The following PTPRT variants were observed in gnomAD, a reference collection of about 807,000 sequenced individuals.
PTPRT encodes the protein protein tyrosine phosphatase receptor type T, also known as receptor-type tyrosine-protein phosphatase T.
PTPRT carries 56 observed loss-of-function variants against 176.8 expected under a neutral mutation model. The observed-to-expected ratio is 0.32, with a 90% CI of 0.26 to 0.40. The LOEUF (loss-of-function observed/expected upper bound fraction) is 0.40. PTPRT is among the 10% of genes least tolerant of loss of function. The probability of loss-of-function intolerance (pLI) is 1.00; values close to 1 mark genes in which losing one functional copy is unlikely to be tolerated. For synonymous variants in PTPRT, 783 were observed against 739.0 expected, an observed-to-expected ratio of 1.06 and a Z score of -0.96; for missense variants, 1,540 against 1,908.2, an observed-to-expected ratio of 0.81 and a Z score of 3.60.
At position 42,391,826 on chromosome 20, in the gene PTPRT, T is replaced by C. The variant is rs576506733; in HGVS notation, c.1561-39541A>G. 1.2e-4 allele frequency among the ~76,000 whole-genome samples: 19 copies of C among 152,300 alleles called. No homozygotes were observed. The South Asian group carries it at 3.7e-3, about 30-fold the overall frequency. On this transcript the variant is annotated intron_variant, in intron 9 of 30. Transcript: ENST00000373187. ...GTAAATGCTCTGTCCTATAACTAAA[T>C]GCTATTGGATTTCCTTTTCTTTCAG...
chr20:42,911,976 C>CTTTTTTTTT (rs11475084), intron 1 of PTPRT, among the ~76,000 whole-genome samples: 34 of 124,154 alleles, frequency 2.7e-4, no homozygotes, highest in Non-Finnish European at 3.6e-4. Context: ...ATCCTCTTTT[C>CTTTTTTTTT]TTTTTTTTTT....
chr20:42,163,826 T>C (rs561643111), intron 16 of PTPRT, among the ~76,000 whole-genome samples: 3 of 152,228 alleles, frequency 2.0e-5, no homozygotes, highest in Non-Finnish European at 2.9e-5. Flanking sequence ...TTGAAGCCAG[T>C]GTGAACCTGC....
intron 9 of PTPRT, among the ~76,000 whole-genome samples, chr20:42,358,456 G>A (rs748290075): frequency 1.3e-5 from 2 of 152,142 alleles, no homozygotes; most frequent in African/African-American, 2.4e-5. Flanking sequence ...AAGCGGGCAA[G>A]GCACATTAAG....
chr20:42,161,938 G>A (rs565059905), intron 16 of PTPRT, among the ~76,000 whole-genome samples: 49 of 151,892 alleles, frequency 3.2e-4, no homozygotes, highest in Middle Eastern at 3.4e-3. Flanking sequence ...CCTGTCTGCA[G>A]GGGAGGAGAG....
chr20:42,987,373 A>G (rs74361317), intron 1 of PTPRT, among the ~76,000 whole-genome samples: 4,516 of 152,278 alleles, frequency 0.03, 164 homozygotes, highest in African/African-American at 0.074. Context: ...ATAGCCACCA[A>G]TGGTTGGTGG....
chr20:42,893,258 A>C (rs546378015), intron 1 of PTPRT, among the ~76,000 whole-genome samples: 16 of 152,364 alleles, frequency 1.1e-4, no homozygotes, highest in Admixed American at 3.9e-4. Context: ...ACACATGAAA[A>C]AATGCTCATC....
At chr20:42,840,749 A>T (rs538345921) in intron 2 of PTPRT, among the ~76,000 whole-genome samples, 1 of 152,204 alleles carries the variant, frequency 6.6e-6, no homozygotes, top group African/African-American at 2.4e-5. Flanking sequence ...TTCAACTCAC[A>T]ACAATGGGTA....
intron 1 of PTPRT, among the ~76,000 whole-genome samples, chr20:43,089,661 T>A (rs1264773228): frequency 1.3e-5 from 2 of 152,134 alleles, no homozygotes; most frequent in Admixed American, 6.5e-5. Context: ...AGAAAGAAGC[T>A]GTTTCCCATC....
intron 13 of PTPRT, among the ~76,000 whole-genome samples, chr20:42,257,417 A>G (rs1411180323): frequency 2.0e-5 from 3 of 151,950 alleles, no homozygotes; most frequent in Non-Finnish European, 4.4e-5. Flanking sequence ...CCCTTCACAT[A>G]TATTCTCTCT....
chr20:43,080,919 T>C (rs1479689180), intron 1 of PTPRT, among the ~76,000 whole-genome samples: 1 of 152,212 alleles, frequency 6.6e-6, no homozygotes, highest in African/African-American at 2.4e-5. Context: ...GAGCAAGAAA[T>C]AAACCTGTTG....
rs532287532 is a variant in PTPRT at position 42,477,394 on chromosome 20, T to TA, written c.1154-4833_1154-4832insT. Among the ~76,000 whole-genome samples the TA allele has an allele frequency of 3.6e-4, 54 of 147,964 alleles. 1 individual carries two copies. In the South Asian group the frequency reaches 0.013, roughly 34 times the overall value. ...TTTAAGGGTAATATATATATATATA[T>TA]TTTTTTTGCATTCAAGCAAGAGAAT... On this transcript the variant is annotated intron_variant, in intron 7 of 30. Coordinates refer to ENST00000373187, the MANE Select transcript of PTPRT (RefSeq NM_007050.6).
chr20:43,119,124 A>G (rs904015755), intron 1 of PTPRT, among the ~76,000 whole-genome samples: 1 of 152,234 alleles, frequency 6.6e-6, no homozygotes, highest in Non-Finnish European at 1.5e-5. Flanking sequence ...ATGATATTGG[A>G]AATGTTCGCC....
chr20:43,080,924 C>T (rs1414632547), intron 1 of PTPRT, among the ~76,000 whole-genome samples: 1 of 152,236 alleles, frequency 6.6e-6, no homozygotes, highest in African/African-American at 2.4e-5. Context: ...AGAAATAAAC[C>T]TGTTGTATAC....
chr20:42,652,685 C>T (rs1433463921), intron 7 of PTPRT, among the ~76,000 whole-genome samples: 2 of 152,116 alleles, frequency 1.3e-5, no homozygotes, highest in Admixed American at 6.5e-5. Flanking sequence ...TGATAGCAGG[C>T]CAAATCAAGG....
intron 2 of PTPRT, among the ~76,000 whole-genome samples, chr20:42,804,461 C>G (rs907759020): frequency 1.3e-5 from 2 of 152,180 alleles, no homozygotes; most frequent in Non-Finnish European, 2.9e-5. Context: ...TTCCACCAAG[C>G]CCTGCAGTAG....
chr20:43,069,619 G>A (rs914288202), intron 1 of PTPRT, among the ~76,000 whole-genome samples: 1 of 152,186 alleles, frequency 6.6e-6, no homozygotes, highest in Non-Finnish European at 1.5e-5. Flanking sequence ...ACAAGGAAGA[G>A]ACTTTGCTGG....
rs192825993 is a variant in PTPRT at position 43,021,302 on chromosome 20, T to C, written c.89-135370A>G. ...CTACAGAAGGCATTTCCTAAACACATGTTACCTCAATTTGTTGAGGAACTG... is the reference window on the plus strand; with the variant it reads ...CTACAGAAGGCATTTCCTAAACACACGTTACCTCAATTTGTTGAGGAACTG... On this transcript the variant is annotated intron_variant, in intron 1 of 30. Coordinates refer to ENST00000373187, the MANE Select transcript of PTPRT (RefSeq NM_007050.6). 3.5e-3 allele frequency among the ~76,000 whole-genome samples: 539 copies of C among 152,184 alleles called. 4 individuals carry two copies. Among genetic ancestry groups the C allele is most frequent in the African/African-American group, 0.012 (513 of 41,532 alleles).
At chr20:42,762,322 G>A (rs1334122404) in intron 5 of PTPRT, among the ~76,000 whole-genome samples, 6 of 152,138 alleles carry the variant, frequency 3.9e-5, no homozygotes, top group African/African-American at 1.4e-4. Context: ...CTGGGGTGAG[G>A]CTGGATAATT....
At chr20:42,361,992 T>C in intron 9 of PTPRT, among the ~76,000 whole-genome samples, 1 of 152,176 alleles carries the variant, frequency 6.6e-6, no homozygotes, top group East Asian at 1.9e-4. Flanking sequence ...AGTAAATGCT[T>C]AACAAATACA....
Sources: allele counts gnomAD v4.1 joint callset (sites outside exome capture counted in the v4.1 genomes callset), GRCh38; gene constraint gnomAD v4.1.1; transcripts MANE v1.5; gene names NCBI Gene and HGNC (gene_info 2026-07-23, HGNC 2026-07-21).